The following NR3C2 variants were observed in gnomAD, a reference collection of about 807,000 sequenced individuals.
NR3C2 encodes mineralocorticoid receptor.
Under a neutral mutation model 86.4 loss-of-function variants are expected in NR3C2, and 15 were observed. That is an observed-to-expected ratio of 0.17 (90% CI 0.12 to 0.27). The LOEUF (loss-of-function observed/expected upper bound fraction) is 0.27, where lower values mean the gene tolerates loss of function less well. Ranked by LOEUF, NR3C2 falls within the 10% of genes least tolerant of loss-of-function variation. The pLI is 1.00. For missense variants in NR3C2, 960 were observed against 1,195.6 expected (o/e 0.80, Z 2.91); for synonymous variants, 458 against 450.5 (o/e 1.02, Z -0.21).
intron 3 of NR3C2, among the ~76,000 whole-genome samples, chr4:148,249,458 G>A (rs1056508908): frequency 1.3e-5 from 2 of 152,084 alleles, no homozygotes; most frequent in Non-Finnish European, 2.9e-5. Flanking sequence ...TTTGCTATAA[G>A]TGACCTTTCA....
At chr4:148,084,268 G>C (rs1044639310) in intron 8 of NR3C2, among the ~76,000 whole-genome samples, 1 of 152,224 alleles carries the variant, frequency 6.6e-6, no homozygotes, top group Non-Finnish European at 1.5e-5. Context: ...AAGCCAGAGA[G>C]AAAGGTCGGG....
At position 148,339,081 on chromosome 4, in the gene NR3C2, T is replaced by C. The variant is rs17007968; in HGVS notation, c.1758-78964A>G. Reference sequence around the variant, plus strand: ...TATCTGTAAGAATTAAGTATGGAAGTTGATTTAGAGAATGCAGGATTCCAC... The same window carrying C: ...TATCTGTAAGAATTAAGTATGGAAGCTGATTTAGAGAATGCAGGATTCCAC... On this transcript the variant is annotated intron_variant, in intron 2 of 8. Transcript: ENST00000358102. Among the ~76,000 whole-genome samples the C allele has an allele frequency of 8.2e-3, 1,244 of 152,310 alleles. 21 individuals carry two copies. Among genetic ancestry groups the C allele is most frequent in the African/African-American group, 0.028 (1,162 of 41,556 alleles).
intron 2 of NR3C2, among the ~76,000 whole-genome samples, chr4:148,432,381 G>T (rs546316442): frequency 6.6e-6 from 1 of 152,130 alleles, no homozygotes; most frequent in African/African-American, 2.4e-5. Context: ...GTTCCTTAAA[G>T]GTTAGTTTCA....
chr4:148,095,627 G>C (rs116152721), intron 8 of NR3C2, among the ~76,000 whole-genome samples: 15 of 152,308 alleles, frequency 9.8e-5, no homozygotes, highest in Non-Finnish European at 1.6e-4. Flanking sequence ...TGCTAGGCAC[G>C]TGAGAGGCAT....
upstream of NR3C2, chr4:148,442,599 G>A (rs977059760): frequency 1.2e-5 from 12 of 975,748 alleles, no homozygotes; most frequent in Non-Finnish European, 1.5e-5. Flanking sequence ...CCGAAGAGAA[G>A]CAAGGCTCCA....
intron 4 of NR3C2, among the ~76,000 whole-genome samples, chr4:148,180,217 T>C (rs1468000496): frequency 2.0e-5 from 3 of 151,796 alleles, no homozygotes; most frequent in African/African-American, 4.8e-5. Flanking sequence ...GCCAACTAGT[T>C]GTAACAAGTT....
chr4:148,211,967 G>A (rs1253654626), intron 3 of NR3C2, among the ~76,000 whole-genome samples: 1 of 152,108 alleles, frequency 6.6e-6, no homozygotes, highest in Non-Finnish European at 1.5e-5. Flanking sequence ...GACTAGAGTC[G>A]AAAATTTCAC....
intron 4 of NR3C2, among the ~76,000 whole-genome samples, chr4:148,158,842 A>G (rs903901243): frequency 6.6e-6 from 1 of 152,206 alleles, no homozygotes; most frequent in Non-Finnish European, 1.5e-5. Context: ...GGAGCTGATT[A>G]TCGACATCAC....
chr4:148,298,064 C>T (rs752230693), intron 2 of NR3C2, among the ~76,000 whole-genome samples: 1 of 152,118 alleles, frequency 6.6e-6, no homozygotes, highest in Non-Finnish European at 1.5e-5. Flanking sequence ...CACATATCTG[C>T]CTCATGGTCC....
At chr4:148,171,318 A>C (rs767444832) in intron 4 of NR3C2, among the ~76,000 whole-genome samples, 4 of 152,222 alleles carry the variant, frequency 2.6e-5, no homozygotes, top group Non-Finnish European at 5.9e-5. Context: ...AGGAATTTCC[A>C]GGTATGAGCT....
chr4:148,098,474 C>CA (rs142296541), intron 8 of NR3C2, among the ~76,000 whole-genome samples: 109 of 148,948 alleles, frequency 7.3e-4, no homozygotes, highest in Middle Eastern at 6.8e-3. Flanking sequence ...CACAAAAATG[C>CA]AAAAAAAAAC....
chr4:148,294,168 G>C (rs916989483), intron 2 of NR3C2, among the ~76,000 whole-genome samples: 1 of 152,182 alleles, frequency 6.6e-6, no homozygotes, highest in African/African-American at 2.4e-5. Flanking sequence ...AGCAATACGT[G>C]ATCTTGAATT....
chr4:148,132,916 A>G (rs1172625823), intron 6 of NR3C2, among the ~76,000 whole-genome samples: 1 of 152,184 alleles, frequency 6.6e-6, no homozygotes, highest in Non-Finnish European at 1.5e-5. Context: ...AACATTCTCA[A>G]TGCCAGGTGC....
intron 6 of NR3C2, among the ~76,000 whole-genome samples, chr4:148,146,107 G>C (rs1309964584): frequency 2.6e-5 from 4 of 152,118 alleles, no homozygotes. Flanking sequence ...TGGGGAGAGA[G>C]AAGGAAGAAC....
intron 2 of NR3C2, among the ~76,000 whole-genome samples, chr4:148,433,484 G>GAAAAAA (rs1279335694): frequency 1.3e-5 from 2 of 151,994 alleles, no homozygotes; most frequent in African/African-American, 4.8e-5. Flanking sequence ...CTAAAAATAT[G>GAAAAAA]AAAACTAAAA....
intron 2 of NR3C2, among the ~76,000 whole-genome samples, chr4:148,263,873 T>C (rs1387279580): frequency 6.6e-6 from 1 of 152,200 alleles, no homozygotes; most frequent in Non-Finnish European, 1.5e-5. Context: ...CCTTCTCCTT[T>C]AGCAGTTACC....
intron 2 of NR3C2, among the ~76,000 whole-genome samples, chr4:148,386,032 G>A (rs1378084343): frequency 6.6e-6 from 1 of 152,208 alleles, no homozygotes; most frequent in Non-Finnish European, 1.5e-5. Context: ...GATAAGGGGA[G>A]GACCCAAGGT....
rs542574495 is a variant in NR3C2, at chr4:148,131,351, T to G, written c.2511-11063A>C. Among the ~76,000 whole-genome samples the G allele has an allele frequency of 2.0e-5, 3 of 152,268 alleles. No homozygotes were observed. In the South Asian group the frequency reaches 6.2e-4, roughly 32 times the overall value. Reference sequence around the variant, plus strand: ...GCATCGTGTCTGAATAAATCTAACATCTTGTTACATGGTCAGTATAACAGA... The same window carrying G: ...GCATCGTGTCTGAATAAATCTAACAGCTTGTTACATGGTCAGTATAACAGA... On this transcript the variant is annotated intron_variant, in intron 6 of 8. Transcript: ENST00000358102.
intron 2 of NR3C2, among the ~76,000 whole-genome samples, chr4:148,383,358 T>C (rs1747096613): frequency 6.6e-6 from 1 of 152,236 alleles, no homozygotes; most frequent in Non-Finnish European, 1.5e-5. Flanking sequence ...ATGTGTTTCC[T>C]ATGCTCCAGT....
Sources: gnomAD v4.1 joint callset for allele counts (sites outside exome capture counted in the v4.1 genomes callset) on GRCh38, gnomAD v4.1.1 for gene constraint, MANE v1.5 for transcripts, NCBI Gene and HGNC (gene_info 2026-07-23, HGNC 2026-07-21) for gene names.